The following CNRIP1 variants were observed in gnomAD, a reference collection of about 807,000 sequenced individuals.
CNRIP1 encodes the protein CB1 cannabinoid receptor-interacting protein 1.
Under a neutral mutation model 15.2 loss-of-function variants are expected in CNRIP1, and 10 were observed. That is an observed-to-expected ratio of 0.66 (90% confidence interval 0.41 to 1.12). The LOEUF is 1.12. CNRIP1 is among the 50% of genes most tolerant of loss of function. The pLI is 0.00. For synonymous variants in CNRIP1, 91 were observed against 83.2 expected (o/e 1.09, Z -0.51); for missense variants, 211 against 214.7 (o/e 0.98, Z 0.11).
At chr2:68,288,495 G>T (rs534597230), downstream of CNRIP1, among the ~76,000 whole-genome samples, 2 of 152,118 alleles carry the variant, frequency 1.3e-5, no homozygotes, top group Non-Finnish European at 2.9e-5. Context: ...AAGTACTAGC[G>T]TAGGGCCAAA....
chr2:68,297,003 G>A (rs1671391290), intron 2 of CNRIP1, among the ~76,000 whole-genome samples: 2 of 152,056 alleles, frequency 1.3e-5, no homozygotes, highest in African/African-American at 4.8e-5. Context: ...CTGACCTCAA[G>A]TGATCCACCA....
chr2:68,294,342 G>T (rs1671268919), intron 2 of CNRIP1, among the ~76,000 whole-genome samples: 1 of 152,088 alleles, frequency 6.6e-6, no homozygotes, highest in Non-Finnish European at 1.5e-5. Context: ...TTAATTTTTT[G>T]AAAACTTAGA....
rs965430215 is a variant in CNRIP1 at position 68,306,249 on chromosome 2, C to T, written c.330+10908G>A. The stretch of plus-strand genomic sequence containing the variant: ...TCTGGGAGGTCAAGGCTGCAGTGAG[C>T]TATGATTGTGCTGCTGTACTCCAGC... On this transcript the variant is annotated intron_variant, in intron 2 of 2. Transcript: ENST00000263655. Among the ~76,000 whole-genome samples, 6 of 146,298 alleles carry T rather than the reference C, an allele frequency of 4.1e-5. No homozygotes were observed. The East Asian group carries it at 1.2e-3, about 29-fold the overall frequency.
chr2:68,295,661 G>A (rs1046342097), intron 2 of CNRIP1, among the ~76,000 whole-genome samples: 2 of 152,204 alleles, frequency 1.3e-5, no homozygotes, highest in African/African-American at 4.8e-5. Flanking sequence ...CATGCTGTAT[G>A]AATCCATCTA....
Position 68,317,197 on chromosome 2 carries a change from G to A in CNRIP1, c.290C>T (p.Thr97Met), listed in dbSNP as rs373164214. The A allele has an allele frequency of 2.4e-5, 38 of 1,613,996 alleles. No individual in the cohort carries two copies. Among genetic ancestry groups the A allele is most frequent in the East Asian group, 4.5e-5 (2 of 44,898 alleles). The change falls in exon 2 of 3, where the codon ACG becomes ATG. Residue 97 changes from threonine (T) to methionine (M), a missense_variant. Transcript: ENST00000263655. Reference protein sequence around the residue: ...GTYDTEGVTPTKSGERQPIQI... With the variant: ...GTYDTEGVTPMKSGERQPIQI... ...GATGGGTTGCCGTTCTCCACTCTTC[G>A]TTGGGGTCACACCTTCTGTGTCATA...
At chr2:68,285,630 G>A (rs1472788657) in intron 2 of CNRIP1, among the ~76,000 whole-genome samples, 1 of 138,482 alleles carries the variant, frequency 7.2e-6, no homozygotes, top group African/African-American at 2.7e-5. Flanking sequence ...CTCCAGCATG[G>A]GCTGTTACAG....
intron 2 of CNRIP1, among the ~76,000 whole-genome samples, chr2:68,298,001 A>C (rs537062103): frequency 6.6e-6 from 1 of 152,282 alleles, no homozygotes; most frequent in Non-Finnish European, 1.5e-5. Flanking sequence ...TAAAATCAGA[A>C]ATTTTTTAAA....
At chr2:68,317,060 A>G in intron 2 of CNRIP1, 97 bp downstream of exon 2, 1 of 1,479,926 alleles carries the variant, frequency 6.8e-7, no homozygotes, top group Non-Finnish European at 9.5e-7. Context: ...ATTGGCTCCC[A>G]ACACACCTTT....
chr2:68,317,397 C>A lies in CNRIP1; in HGVS notation c.180-90G>T. 4 of 1,377,818 alleles carry A rather than the reference C, an allele frequency of 2.9e-6. No individual in the cohort carries two copies. In the South Asian group the frequency reaches 3.8e-5, roughly 13 times the overall value. 85.3% of individuals were successfully genotyped at this position (1,377,818 alleles called of 1,614,324 possible). On this transcript the variant is annotated intron_variant, in intron 1 of 2. Transcript: ENST00000263655. ...ACCAAAACTCTAGGCAGGAAACTTA[C>A]AGGGTTTCACTAAGGGGGGCATTGT...
At chr2:68,297,975 C>T (rs1671442955) in intron 2 of CNRIP1, among the ~76,000 whole-genome samples, 1 of 151,864 alleles carries the variant, frequency 6.6e-6, no homozygotes, top group Non-Finnish European at 1.5e-5. Flanking sequence ...ATTTTTTCTA[C>T]AATAAATGTT....
chr2:68,284,810 CAA>C (rs146572383), intron 2 of CNRIP1, among the ~76,000 whole-genome samples: 14 of 73,760 alleles, frequency 1.9e-4, no homozygotes, highest in Admixed American at 1.4e-4. Context: ...GACTCTGTCT[CAA>C]AAAAAAAAAA....
chr2:68,306,206 G>A (rs1671839800), intron 2 of CNRIP1, among the ~76,000 whole-genome samples: 1 of 148,448 alleles, frequency 6.7e-6, no homozygotes, highest in African/African-American at 2.5e-5. Context: ...GCAGGCTGAG[G>A]TGGGAGAACC....
chr2:68,311,775 C>CGGG (rs70949698), intron 2 of CNRIP1, among the ~76,000 whole-genome samples: 1 of 93,178 alleles, frequency 1.1e-5, no homozygotes, highest in Non-Finnish European at 2.0e-5. Context: ...ACTCCATCTC[C>CGGG]GGGGAAAAAA....
At chr2:68,302,772 A>G (rs976490206) in intron 2 of CNRIP1, among the ~76,000 whole-genome samples, 2 of 152,064 alleles carry the variant, frequency 1.3e-5, no homozygotes, top group African/African-American at 2.4e-5. Context: ...GAAGTGTGAT[A>G]TCAGAAAAGA....
At chr2:68,304,798 T>C (rs905187065) in intron 2 of CNRIP1, among the ~76,000 whole-genome samples, 3 of 152,172 alleles carry the variant, frequency 2.0e-5, no homozygotes, top group South Asian at 4.2e-4. Flanking sequence ...AGGCTGATAA[T>C]AAAGAAAATG....
In CNRIP1 at chr2:68,317,234, A is replaced by G; in HGVS notation, c.253T>C (p.Tyr85His). The G allele has an allele frequency of 1.2e-6, 2 of 1,614,178 alleles. No homozygotes were observed. Among genetic ancestry groups the G allele is most frequent in the South Asian group, 2.2e-5 (2 of 91,084 alleles). Residue 85 changes from tyrosine (Y) to histidine (H), a missense_variant, in exon 2 of 3, where the codon TAT (tyrosine) becomes CAT (histidine). Tyr to His is a moderately conservative substitution (Grantham distance 83). Transcript: ENST00000263655. ...SKEPDGDRVV[Y>H]TGTYDTEGVT... is the part of the protein sequence containing the mutation. ...CCTTCTGTGTCATATGTACCCGTAT[A>G]AACAACTCTGTCCCCATCAGGCTCT...
chr2:68,295,297 C>T (rs1250516771), intron 2 of CNRIP1, among the ~76,000 whole-genome samples: 1 of 152,172 alleles, frequency 6.6e-6, no homozygotes, highest in Non-Finnish European at 1.5e-5. Context: ...GCACCATTGC[C>T]TCATCCTGCT....
At chr2:68,307,606 G>A (rs962550765) in intron 2 of CNRIP1, among the ~76,000 whole-genome samples, 2 of 152,194 alleles carry the variant, frequency 1.3e-5, no homozygotes, top group African/African-American at 4.8e-5. Context: ...ATTTATAGGT[G>A]TGAGCCACTG....
At position 68,306,659 on chromosome 2, in the gene CNRIP1, T is replaced by C. The variant is rs1034920577; in HGVS notation, c.330+10498A>G. On this transcript the variant is annotated intron_variant, in intron 2 of 2. Transcript: ENST00000263655. ...AGCTGGGCGTGGTGGCGGGTGCCTG[T>C]AATCCCAGCTACTCGGGAGGCTGAG... is the stretch of plus-strand genomic sequence containing the variant. Among the ~76,000 whole-genome samples the C allele has an allele frequency of 1.1e-4, 16 of 151,968 alleles. 1 individual carries two copies. The highest frequency in any genetic ancestry group is 3.3e-4 in the Admixed American group (5 of 15,252).
Sources: gnomAD v4.1 joint callset for allele counts (sites outside exome capture counted in the v4.1 genomes callset) on GRCh38, gnomAD v4.1.1 for gene constraint, MANE v1.5 for transcripts, NCBI Gene and HGNC (gene_info 2026-07-23, HGNC 2026-07-21) for gene names.